CCNL2: variants seen among roughly 807,000 people sequenced by gnomAD.
CCNL2 encodes the protein cyclin L2.
A neutral mutation model predicts 59.1 loss-of-function variants in CCNL2; 28 were observed. The observed-to-expected ratio is 0.47, with a 90% confidence interval of 0.35 to 0.65. CCNL2 has a LOEUF of 0.65. Ranked by LOEUF, CCNL2 falls within the 30% of genes least tolerant of loss-of-function variation. The pLI is 0.00. For synonymous variants in CCNL2, 342 were observed against 288.6 expected, an observed-to-expected ratio of 1.19 and a Z score of -1.88; for missense variants, 714 against 717.4, an observed-to-expected ratio of 1.00 and a Z score of 0.05.
Position 1,390,483 on chromosome 1 carries a change from G to A in CCNL2, c.840C>T (p.Ile280=). The change falls in exon 7 of 11, where the codon ATC becomes ATT. Residue 280 remains isoleucine (I), a synonymous_variant. Transcript: ENST00000400809. The stretch of plus-strand genomic sequence containing the variant: ...CCTTTTTCCGAGCATAAAGCTGCAA[G>A]ATCTTTAAGCAGATTTCCTGAATTT... ...EEEIQEICLK[I]LQLYARKKVD... 1 of 1,613,658 alleles carries A rather than the reference G, an allele frequency of 6.2e-7. No individual in the cohort carries two copies. Among genetic ancestry groups the A allele is most frequent in the Non-Finnish European group, 8.5e-7 (1 of 1,179,818 alleles).
chr1:1,390,176 G>A, intron 8 of CCNL2, 54 bp downstream of exon 8: 1 of 1,516,870 alleles, frequency 6.6e-7, no homozygotes, highest in Admixed American at 2.1e-5. Context: ...GCGGGGGAGA[G>A]TCACCAGTCT....
Position 1,399,272 on chromosome 1 carries a change from C to G in CCNL2, c.35G>C (p.Gly12Ala), listed in dbSNP as rs752562869. The change falls in exon 1 of 11, where the codon GGG (glycine) becomes GCG (alanine). Residue 12 changes from glycine (G) to alanine (A), a missense_variant. Around this residue, in one of 5 missense-constraint regions of CCNL2, gnomAD observed 270 missense variants for 254.9 expected, o/e 1.06. Coordinates refer to ENST00000400809, the MANE Select transcript of CCNL2 (RefSeq NM_030937.6). ...AAAAAAAGAA[G>A]SAAPAAAAGA... ...GGCCGCTGCCGCGGGAGCTGCCGAC[C>G]CTGCAGCACCAGCCGCCGCCGCCGC... 82 of 1,519,516 alleles carry G rather than the reference C, an allele frequency of 5.4e-5. No individual in the cohort carries two copies. The South Asian group carries it at 9.8e-4, about 18-fold the overall frequency. The allele number at this position is 1,519,516 out of a possible 1,614,324, so 94.1% of individuals were successfully genotyped here.
chr1:1,396,277 C>T (rs1441424031), intron 3 of CCNL2, among the ~76,000 whole-genome samples: 2 of 144,838 alleles, frequency 1.4e-5, no homozygotes, highest in Non-Finnish European at 3.0e-5. Context: ...CATGTTTTTT[C>T]TTTTTTTGAG....
intron 1 of CCNL2, 107 bp downstream of exon 1, chr1:1,398,912 T>TGGGGTCGGGGTCTAGGC (rs1645208402): frequency 7.9e-7 from 1 of 1,270,772 alleles, no homozygotes; most frequent in East Asian, 3.1e-5. Flanking sequence ...GGGCAGGGGC[T>TGGGGTCGGGGTCTAGGC]GGGGTCGGGG....
chr1:1,389,808 A>C (rs1644666005), intron 8 of CCNL2, among the ~76,000 whole-genome samples: 1 of 151,810 alleles, frequency 6.6e-6, no homozygotes, highest in East Asian at 1.9e-4. Flanking sequence ...AAATTCAAAA[A>C]ATTAGCCAGG....
At position 1,387,180 on chromosome 1, in the gene CCNL2, C is replaced by G; in HGVS notation, c.*51G>C. 6.8e-7 allele frequency: 1 copy of G among 1,476,406 alleles called. No homozygotes were observed. The highest frequency in any genetic ancestry group is 9.2e-7 in the Non-Finnish European group (1 of 1,082,378). The allele number at this position is 1,476,406 out of a possible 1,614,324, so 91.5% of individuals were successfully genotyped here. A position where few individuals can be genotyped will look rare whatever the true frequency, so the allele number is the denominator to read the frequency against. On this transcript the variant is annotated 3_prime_UTR_variant, in exon 11 of 11. Coordinates refer to ENST00000400809, the MANE Select transcript of CCNL2 (RefSeq NM_030937.6). ...CCACCGGGGGTCAAAGGGCAGCCAT[C>G]AGGTACTCCCCAGGGAAGGGCTTGC...
chr1:1,389,709 C>A (rs1263827762), intron 8 of CCNL2, among the ~76,000 whole-genome samples: 1 of 152,100 alleles, frequency 6.6e-6, no homozygotes, highest in Non-Finnish European at 1.5e-5. Flanking sequence ...CCTGTAATCC[C>A]AGCACTTTGG....
Position 1,393,437 on chromosome 1 carries a change from C to T in CCNL2, c.618G>A (p.Val206=). The change falls in exon 5 of 11, where the codon GTG becomes GTA. Residue 206 remains valine, a synonymous_variant. Transcript: ENST00000400809. ...GGTGTTGGTTACGCTCACACTCTAA[C>T]ACCTGAAGGTACATAACGATTATCT... ...PHKIIVMYLQ[V]LECERNQHLV... 1 of 1,614,134 alleles carries T rather than the reference C, an allele frequency of 6.2e-7. No individual in the cohort carries two copies. Among genetic ancestry groups the T allele is most frequent in the Non-Finnish European group, 8.5e-7 (1 of 1,179,964 alleles).
Position 1,399,151 on chromosome 1 carries a change from G to A in CCNL2, c.156C>T (p.Cys52=), listed in dbSNP as rs1468796721. The change falls in exon 1 of 11, where the codon TGC becomes TGT. Residue 52 remains cysteine, a synonymous_variant. Coordinates refer to ENST00000400809, the MANE Select transcript of CCNL2 (RefSeq NM_030937.6). ...YSGVLITLEN[C]LLPDDKLRFT... Reference sequence around the variant, plus strand: ...AACGGAGCTTGTCGTCAGGCAGGAGGCAGTTCTCCAAGGTGATGAGCACCC... The same window carrying A: ...AACGGAGCTTGTCGTCAGGCAGGAGACAGTTCTCCAAGGTGATGAGCACCC... The A allele has an allele frequency of 8.1e-6, 13 of 1,612,278 alleles. No homozygotes were observed. The highest frequency in any genetic ancestry group is 1.3e-5 in the African/African-American group (1 of 74,796).
At position 1,390,446 on chromosome 1, in the gene CCNL2, A is replaced by G. The variant is rs755934727; in HGVS notation, c.864+13T>C. On this transcript the variant is annotated intron_variant, in intron 7 of 10. Coordinates refer to ENST00000400809, the MANE Select transcript of CCNL2 (RefSeq NM_030937.6). ...CACAAACGCATACGTTACATGAAAA[A>G]ATGCCGAAGAACCTTTTTCCGAGCA... is the stretch of plus-strand genomic sequence containing the variant. The G allele has an allele frequency of 2.9e-5, 47 of 1,612,564 alleles. No individual in the cohort carries two copies. In the East Asian group the frequency reaches 1.0e-3, roughly 35 times the overall value.
chr1:1,391,702 A>G (rs1443673653), intron 5 of CCNL2: 1 of 501,086 alleles, frequency 2.0e-6, no homozygotes, highest in Admixed American at 4.8e-5. Context: ...AGAAGCTATA[A>G]ACATACAAAA....
chr1:1,399,279 C>T lies in CCNL2; in HGVS notation c.28G>A (p.Ala10Thr), dbSNP rs886319349. 2.2e-5 allele frequency: 32 copies of T among 1,484,298 alleles called. No individual in the cohort carries two copies. Among genetic ancestry groups the T allele is most frequent in the Middle Eastern group, 2.0e-4 (1 of 5,102 alleles). The allele number at this position is 1,484,298 out of a possible 1,614,324, so 91.9% of individuals were successfully genotyped here. MAAAAAAAGAAGSAAPAAAA... is the reference protein window; with the variant it reads MAAAAAAAGTAGSAAPAAAA... ...GCCGCGGGAGCTGCCGACCCTGCAG[C>T]ACCAGCCGCCGCCGCCGCCGCCGCC... The change falls in exon 1 of 11, where the codon GCT (alanine) becomes ACT (threonine). Residue 10 changes from alanine to threonine, a missense_variant. This residue lies in a region of CCNL2 where 270 missense variants were observed against 254.9 expected (regional missense o/e 1.06). Transcript: ENST00000400809.
At position 1,387,308 on chromosome 1, in the gene CCNL2, C is replaced by T; in HGVS notation, c.1486G>A (p.Glu496Lys). The T allele has an allele frequency of 3.1e-6, 5 of 1,613,822 alleles. No individual in the cohort carries two copies. The highest frequency in any genetic ancestry group is 4.2e-6 in the Non-Finnish European group (5 of 1,180,038). ...GTGCGTTCATACGACCTCGAGCGCT[C>T]TCGTCGCTGATCTCTGTAGTAATGA... ...KSHYYRDQRR[E>K]RSRSYERTGR... is the part of the protein sequence containing the mutation. The change falls in exon 11 of 11, where the codon GAG (glutamate) becomes AAG (lysine). Residue 496 changes from glutamate to lysine, a missense_variant. Coordinates refer to ENST00000400809, the MANE Select transcript of CCNL2 (RefSeq NM_030937.6).
At position 1,392,237 on chromosome 1, in the gene CCNL2, T is replaced by A. The variant is rs377404751; in HGVS notation, c.659+1159A>T. The A allele has an allele frequency of 4.1e-6, 3 of 734,988 alleles. No homozygotes were observed. In the African/African-American group the frequency reaches 5.8e-5, roughly 14 times the overall value. 45.5% of individuals were successfully genotyped at this position (734,988 alleles called of 1,614,324 possible). On this transcript the variant is annotated intron_variant, in intron 5 of 10. Coordinates refer to ENST00000400809, the MANE Select transcript of CCNL2 (RefSeq NM_030937.6). ...TCAACAACTGTCAGTATTCAAGTAG[T>A]GATATTAATCCACGAACTTAAAATT...
intron 2 of CCNL2, 28 bp downstream of exon 2, chr1:1,398,569 G>A (rs752376091): frequency 5.0e-6 from 8 of 1,606,178 alleles, no homozygotes; most frequent in East Asian, 4.5e-5. Flanking sequence ...ATACTTCGCT[G>A]GGAATGAAGT....
Position 1,390,835 on chromosome 1 carries a change from G to A in CCNL2, c.690C>T (p.Asp230=), listed in dbSNP as rs774726512. 19 of 1,614,136 alleles carry A rather than the reference G, an allele frequency of 1.2e-5. No individual in the cohort carries two copies. Among genetic ancestry groups the A allele is most frequent in the East Asian group, 4.5e-5 (2 of 44,890 alleles). ...TCTCTGGCTGGAACCGCACGAAGAC[G>A]TCGGTGCGAAGGCTGTCGTTCATGT... The part of the protein sequence containing the change: ...WNYMNDSLRT[D]VFVRFQPESI... Residue 230 remains aspartate, a synonymous_variant, in exon 6 of 11, where the codon GAC becomes GAT. Transcript: ENST00000400809.
intron 8 of CCNL2, chr1:1,388,785 A>T (rs1644605945): frequency 2.5e-6 from 1 of 392,538 alleles, no homozygotes; most frequent in Non-Finnish European, 4.8e-6. Context: ...AAAAAAAAAA[A>T]AAAAAAAAAG....
chr1:1,387,130 AGC>A lies in CCNL2; in HGVS notation c.*99_*100del. On this transcript the variant is annotated 3_prime_UTR_variant, in exon 11 of 11. Transcript: ENST00000400809. ...CTGTTCTAGGACCACTTGCGCTGAGAGCACACCCGGGGGTCAAAGGGCAGCCA... is the reference window on the plus strand; with the variant it reads ...CTGTTCTAGGACCACTTGCGCTGAGAACACCCGGGGGTCAAAGGGCAGCCA... 1 of 878,100 alleles carries A rather than the reference AGC, an allele frequency of 1.1e-6. No individual in the cohort carries two copies. Among genetic ancestry groups the A allele is most frequent in the Non-Finnish European group, 1.8e-6 (1 of 562,924 alleles). 54.4% of individuals were successfully genotyped at this position (878,100 alleles called of 1,614,324 possible).
chr1:1,390,760 A>G lies in CCNL2; in HGVS notation c.759+6T>C. On this transcript the variant is annotated splice_donor_region_variant and intron_variant, in intron 6 of 10. Transcript: ENST00000400809. The stretch of plus-strand genomic sequence containing the variant: ...TAGAATCTCTCCATAGTAGCAACAC[A>G]CTGACCTCCAGCGTCCGGGCAGCAA... The G allele has an allele frequency of 6.2e-7, 1 of 1,613,054 alleles. No homozygotes were observed. The highest frequency in any genetic ancestry group is 8.5e-7 in the Non-Finnish European group (1 of 1,179,026).
Sources: gnomAD v4.1 joint callset for allele counts (sites outside exome capture counted in the v4.1 genomes callset) on GRCh38, gnomAD v4.1.1 for gene constraint, gnomAD v4.1.1 regional missense constraint, MANE v1.5 for transcripts, NCBI Gene and HGNC (gene_info 2026-07-23, HGNC 2026-07-21) for gene names.